Variants in NUDT3 observed in about 807,000 individuals in gnomAD.
NUDT3 encodes the protein diphosphoinositol polyphosphate phosphohydrolase 1.
Under a neutral mutation model 23.6 loss-of-function variants are expected in NUDT3, and 9 were observed. The ratio of observed to expected loss-of-function variants is 0.38; its 90% CI spans 0.23 to 0.66. The LOEUF (loss-of-function observed/expected upper bound fraction) is 0.66, where lower values mean the gene tolerates loss of function less well. Among genes scored for constraint, NUDT3 ranks in the 30% least tolerant of loss-of-function variants. The probability of loss-of-function intolerance (pLI) is 0.52; values close to 1 mark genes in which losing one functional copy is unlikely to be tolerated. For missense variants in NUDT3, 172 were observed against 218.5 expected (o/e 0.79, Z 1.34); for synonymous variants, 86 against 82.6 (o/e 1.04, Z -0.22).
chr6:34,389,322 T>G (rs1269057450), intron 1 of NUDT3, among the ~76,000 whole-genome samples: 1 of 152,236 alleles, frequency 6.6e-6, no homozygotes, highest in Non-Finnish European at 1.5e-5. Flanking sequence ...TCCTGCTGCC[T>G]TGTGAAGAAG....
chr6:34,369,102 G>C (rs1486013863), intron 1 of NUDT3, among the ~76,000 whole-genome samples: 1 of 152,030 alleles, frequency 6.6e-6, no homozygotes, highest in Non-Finnish European at 1.5e-5. Flanking sequence ...ACAAGATATA[G>C]AAGAAAAACT....
rs1194717763 is a variant in NUDT3, at chr6:34,392,407, G to C, written c.-45C>G. ...GTGCGGTGCGGGTCGCAGGAGTCGA[G>C]GGGTGGGGAGCCCGCTCTGGACGGC... On this transcript the variant is annotated 5_prime_UTR_variant, in exon 1 of 5. Transcript: ENST00000607016. 1.3e-6 allele frequency: 2 copies of C among 1,491,598 alleles called. No individual in the cohort carries two copies. The highest frequency in any genetic ancestry group is 1.2e-5 in the South Asian group (1 of 85,232). The allele number at this position is 1,491,598 out of a possible 1,614,324, so 92.4% of individuals were successfully genotyped here.
At chr6:34,295,775 C>A in intron 2 of NUDT3, 90 bp from the exon 3 acceptor site, 6 of 1,529,766 alleles carry the variant, frequency 3.9e-6, no homozygotes, top group Admixed American at 3.8e-5. Context: ...AAAATAGAAA[C>A]AAAAAACAAG....
At chr6:34,344,787 G>A (rs1249338099) in intron 1 of NUDT3, among the ~76,000 whole-genome samples, 11 of 151,610 alleles carry the variant, frequency 7.3e-5, no homozygotes, top group Admixed American at 7.2e-4. Context: ...GAGTAGCTGG[G>A]ACTACAGGCA....
intron 1 of NUDT3, among the ~76,000 whole-genome samples, chr6:34,347,981 T>A (rs955755442): frequency 1.3e-4 from 19 of 148,520 alleles, no homozygotes; most frequent in Admixed American, 4.0e-4. Context: ...ACCAAAAAAA[T>A]AAATAAATAA....
chr6:34,297,387 G>A (rs1199786384), intron 2 of NUDT3, among the ~76,000 whole-genome samples: 1 of 151,942 alleles, frequency 6.6e-6, no homozygotes, highest in Non-Finnish European at 1.5e-5. Context: ...AGCCTGGGTT[G>A]GAAAGGCAGT....
At chr6:34,362,770 T>C (rs549990389) in intron 1 of NUDT3, among the ~76,000 whole-genome samples, 2 of 152,286 alleles carry the variant, frequency 1.3e-5, no homozygotes, top group East Asian at 3.9e-4. Flanking sequence ...GTTCTATTCA[T>C]GTAAATATAA....
Position 34,285,393 on chromosome 6 carries a change from CTG to C in NUDT3, c.*3358_*3359del, listed in dbSNP as rs767600906. On this transcript the variant is annotated 3_prime_UTR_variant, in exon 5 of 5. Transcript: ENST00000607016. ...GACCTTACTAGTGTTTCCCCAATGACTGTAATTTATAAACTAAAAATTTTTAC... is the reference window on the plus strand; with the variant it reads ...GACCTTACTAGTGTTTCCCCAATGACTAATTTATAAACTAAAAATTTTTAC... The C allele has an allele frequency of 6.6e-6, 1 of 152,214 alleles. No homozygotes were observed. Among genetic ancestry groups the C allele is most frequent in the East Asian group, 1.9e-4 (1 of 5,200 alleles). 9.4% of individuals were successfully genotyped at this position (152,214 alleles called of 1,614,324 possible).
intron 1 of NUDT3, among the ~76,000 whole-genome samples, chr6:34,389,887 C>A (rs1765167851): frequency 6.6e-6 from 1 of 151,932 alleles, no homozygotes; most frequent in South Asian, 2.1e-4. Flanking sequence ...TGGCGTGAAT[C>A]CGGGAGGCGG....
At chr6:34,315,863 C>T (rs546352093) in intron 2 of NUDT3, among the ~76,000 whole-genome samples, 3 of 152,310 alleles carry the variant, frequency 2.0e-5, no homozygotes, top group African/African-American at 7.2e-5. Context: ...ACACCCAGAG[C>T]TTTGCTAGTC....
At chr6:34,312,231 G>A (rs556291162) in intron 2 of NUDT3, among the ~76,000 whole-genome samples, 34 of 151,786 alleles carry the variant, frequency 2.2e-4, no homozygotes, top group South Asian at 1.2e-3. Context: ...CCAAAACCCC[G>A]TCTCTACTAA....
At chr6:34,295,536 TAAAA>T in intron 3 of NUDT3, 101 bp downstream of exon 3, 2 of 1,114,634 alleles carry the variant, frequency 1.8e-6, no homozygotes, top group Non-Finnish European at 2.5e-6. Flanking sequence ...TAAAAATAAC[TAAAA>T]AAAAAAAAAC....
chr6:34,290,440 C>G (rs1023412491), intron 4 of NUDT3, among the ~76,000 whole-genome samples: 1 of 140,706 alleles, frequency 7.1e-6, no homozygotes, highest in African/African-American at 2.6e-5. Flanking sequence ...AATGAGGTCT[C>G]AAATTCCTGG....
At chr6:34,316,782 G>C (rs998072800) in intron 2 of NUDT3, among the ~76,000 whole-genome samples, 1 of 152,198 alleles carries the variant, frequency 6.6e-6, no homozygotes, top group Admixed American at 6.5e-5. Flanking sequence ...GTGAGAAAGA[G>C]AGGGGAGTGA....
intron 4 of NUDT3, 31 bp downstream of exon 4, chr6:34,293,414 TGAGGAA>T: frequency 6.2e-7 from 1 of 1,612,602 alleles, no homozygotes; most frequent in East Asian, 2.2e-5. Context: ...GGGCTGGTTG[TGAGGAA>T]CCCTTTCCAG....
intron 1 of NUDT3, among the ~76,000 whole-genome samples, chr6:34,391,218 T>C (rs962726082): frequency 5.3e-5 from 8 of 152,214 alleles, no homozygotes; most frequent in South Asian, 2.1e-4. Context: ...ATTTCGACAC[T>C]GCACTGTACT....
chr6:34,328,423 T>G (rs1489707318), intron 2 of NUDT3, among the ~76,000 whole-genome samples: 1 of 152,224 alleles, frequency 6.6e-6, no homozygotes, highest in Non-Finnish European at 1.5e-5. Context: ...CCACTATAGC[T>G]TACCATTTTT....
intron 1 of NUDT3, among the ~76,000 whole-genome samples, chr6:34,389,724 G>C (rs1273679758): frequency 6.6e-6 from 1 of 152,152 alleles, no homozygotes; most frequent in African/African-American, 2.4e-5. Context: ...AGCACTTTGG[G>C]CGGCCAACGC....
At chr6:34,308,119 C>CAAAAAAAAAAAA (rs533055608) in intron 2 of NUDT3, among the ~76,000 whole-genome samples, 2 of 60,140 alleles carry the variant, frequency 3.3e-5, no homozygotes, top group Non-Finnish European at 6.7e-5. Context: ...AACTCTGTCT[C>CAAAAAAAAAAAA]AAAAAAAAAA....
Sources: gnomAD v4.1 joint callset for allele counts (sites outside exome capture counted in the v4.1 genomes callset) on GRCh38, gnomAD v4.1.1 for gene constraint, MANE v1.5 for transcripts, NCBI Gene and HGNC (gene_info 2026-07-23, HGNC 2026-07-21) for gene names.